The following MUC4 variants were observed in gnomAD, a reference collection of about 807,000 sequenced individuals.
MUC4 encodes the protein mucin 4, cell surface associated.
MUC4 carries 202 observed loss-of-function variants against 257.9 expected under a neutral mutation model. The ratio of observed to expected loss-of-function variants is 0.78; its 90% confidence interval spans 0.70 to 0.88. The LOEUF (loss-of-function observed/expected upper bound fraction) is 0.88. Among genes scored for constraint, MUC4 ranks in the 40% least tolerant of loss-of-function variants. The pLI is 0.00. For missense variants in MUC4, 5,976 were observed against 6,513.7 expected (o/e 0.92, Z 2.84); for synonymous variants, 2,351 against 2,757.1 (o/e 0.85, Z 4.62).
chr3:195,809,558 A>AT (rs1250027966), intron 1 of MUC4: 3 of 152,276 alleles, frequency 2.0e-5, no homozygotes, highest in African/African-American at 7.2e-5. Context: ...CCCCTTAGCG[A>AT]CGCAAAGGAC....
chr3:195,754,454 C>A (rs1717112967), intron 18 of MUC4, 82 bp from the exon 19 acceptor site: 2 of 1,497,932 alleles, frequency 1.3e-6, no homozygotes, highest in East Asian at 4.7e-5. Flanking sequence ...ACCCCTTTGG[C>A]CTGAGAACCC....
intron 1 of MUC4, among the ~76,000 whole-genome samples, chr3:195,800,310 G>A (rs142092299): frequency 1.3e-5 from 2 of 152,200 alleles, no homozygotes; most frequent in East Asian, 3.9e-4. Context: ...AAACAGGGCT[G>A]TGTCCTGGTA....
At chr3:195,770,158 G>A in intron 6 of MUC4, 58 bp downstream of exon 6, 1 of 1,449,322 alleles carries the variant, frequency 6.9e-7, no homozygotes, top group East Asian at 2.6e-5. Context: ...CCCTGCCTAG[G>A]ATTCTAGGAT....
chr3:195,783,211 G>T lies in MUC4; in HGVS notation c.8369C>A (p.Pro2790His). Residue 2790 changes from proline to histidine, a missense_variant, in exon 2 of 25, where the codon CCT (proline) becomes CAT (histidine). This residue lies in a region of MUC4 where 228 missense variants were observed against 206.3 expected (regional missense o/e 1.11). Coordinates refer to ENST00000463781, the MANE Select transcript of MUC4 (RefSeq NM_018406.7). ...GGTGTGACCTGTGGATGCTGAGGAA[G>T]GGCTGGTGACATGAAGAGGGGTGGC... ...GHATPLHVTS[P>H]SSASTGHTTP... The T allele has an allele frequency of 7.9e-7, 1 of 1,272,834 alleles. No individual in the cohort carries two copies. The highest frequency in any genetic ancestry group is 2.5e-5 in the East Asian group (1 of 40,522). 78.8% of individuals were successfully genotyped at this position (1,272,834 alleles called of 1,614,324 possible). A position where few individuals can be genotyped will look rare whatever the true frequency, so the allele number is the denominator to read the frequency against.
In MUC4 at chr3:195,780,736, G is replaced by T. The variant is rs767045127; in HGVS notation, c.10844C>A (p.Thr3615Asn). 2 of 1,501,394 alleles carry T rather than the reference G, an allele frequency of 1.3e-6. No individual in the cohort carries two copies. Among genetic ancestry groups the T allele is most frequent in the Admixed American group, 2.1e-5 (1 of 47,062 alleles). The allele number at this position is 1,501,394 out of a possible 1,614,324, so 93.0% of individuals were successfully genotyped here. The change falls in exon 2 of 25, where the codon ACC (threonine) becomes AAC (asparagine). Residue 3615 changes from threonine to asparagine, a missense_variant. By Grantham distance (65) the Thr-to-Asn change is moderately conservative. Coordinates refer to ENST00000463781, the MANE Select transcript of MUC4 (RefSeq NM_018406.7). ...DTSSASTGDTTRLPVTDTSSA... is the reference protein window; with the variant it reads ...DTSSASTGDTNRLPVTDTSSA... ...GGAAGTGTCCGTGACAGGAAGACGG[G>T]TGGTGTCACCTGTGGATGCTGAGGA... is the stretch of plus-strand genomic sequence containing the variant.
rs201559799 is a variant in MUC4 at position 195,779,914 on chromosome 3, A to G, written c.11666T>C (p.Leu3889Pro). The G allele has an allele frequency of 2.1e-6, 3 of 1,420,196 alleles. No individual in the cohort carries two copies. The highest frequency in any genetic ancestry group is 4.8e-5 in the Admixed American group (2 of 41,446). 88.0% of individuals were successfully genotyped at this position (1,420,196 alleles called of 1,614,324 possible). The change falls in exon 2 of 25, where the codon CTT becomes CCT. Residue 3889 changes from leucine (L) to proline (P), a missense_variant. Physicochemically the swap from Leu to Pro is moderately conservative, Grantham distance 98 (BLOSUM62 -3). This residue lies in a region of MUC4 where 330 missense variants were observed against 262.0 expected (regional missense o/e 1.26). Coordinates refer to ENST00000463781, the MANE Select transcript of MUC4 (RefSeq NM_018406.7). ...TGCTGAGGAAGTGTCGGTGACAGGAAGAGGGGTGGTGTCACCTGTGGAAGC... is the reference window on the plus strand; with the variant it reads ...TGCTGAGGAAGTGTCGGTGACAGGAGGAGGGGTGGTGTCACCTGTGGAAGC... ...SSASTGDTTP[L>P]PVTDTSSAST...
intron 5 of MUC4, among the ~76,000 whole-genome samples, chr3:195,771,184 G>C (rs1722793389): frequency 8.2e-6 from 1 of 122,594 alleles, no homozygotes; most frequent in Admixed American, 7.7e-5. Context: ...TGGTTGGGTT[G>C]GGGTATTCCT....
At chr3:195,811,646 CT>C in intron 1 of MUC4, 89 bp downstream of exon 1, 2 of 1,104,138 alleles carry the variant, frequency 1.8e-6, no homozygotes, top group Non-Finnish European at 2.7e-6. Flanking sequence ...CTCTCTCTCT[CT>C]CTGTCTCCCC....
chr3:195,774,139 G>A, intron 4 of MUC4, 33 bp downstream of exon 4: 1 of 1,575,542 alleles, frequency 6.3e-7, no homozygotes. Context: ...GGCCCTGGGA[G>A]TTCAGGCTGC....
rs1722046077 is a variant in MUC4 at position 195,768,234 on chromosome 3, T to G, written c.13529+788A>C. Among the ~76,000 whole-genome samples the G allele has an allele frequency of 2.0e-5, 3 of 152,142 alleles. No individual in the cohort carries two copies. The South Asian group carries it at 6.2e-4, about 32-fold the overall frequency. ...CAAGAAACTAGTGAAAGCAGTGTAATCAAAGGGGTAACCTGAACACACTCA... is the reference window on the plus strand; with the variant it reads ...CAAGAAACTAGTGAAAGCAGTGTAAGCAAAGGGGTAACCTGAACACACTCA... On this transcript the variant is annotated intron_variant, in intron 7 of 24. Coordinates refer to ENST00000463781, the MANE Select transcript of MUC4 (RefSeq NM_018406.7).
intron 1 of MUC4, among the ~76,000 whole-genome samples, chr3:195,802,471 T>G (rs1364254150): frequency 2.1e-5 from 3 of 140,834 alleles, no homozygotes; most frequent in Non-Finnish European, 4.9e-5. Flanking sequence ...GCTGTCTCCT[T>G]AGCTCGAATT....
At chr3:195,762,565 G>A (rs1346241358) in intron 13 of MUC4, among the ~76,000 whole-genome samples, 97 of 141,662 alleles carry the variant, frequency 6.8e-4, no homozygotes, top group Non-Finnish European at 8.4e-4. Context: ...GCCCTGCACC[G>A]CAACGCACCG....
rs2148812456 is a variant in MUC4, at chr3:195,763,442, GC to G, written c.14243del (p.Gly4748AlafsTer24). 1 of 1,420,354 alleles carries G rather than the reference GC, an allele frequency of 7.0e-7. No homozygotes were observed. The highest frequency in any genetic ancestry group is 1.5e-5 in the African/African-American group (1 of 68,450). 88.0% of individuals were successfully genotyped at this position (1,420,354 alleles called of 1,614,324 possible). On this transcript the variant is annotated frameshift_variant, in exon 12 of 25. Coordinates refer to ENST00000463781, the MANE Select transcript of MUC4 (RefSeq NM_018406.7). LOFTEE classifies it high-confidence loss of function. ...FAAQYRSSSL[G>X]PVTVQWLLEP... ...GGCACCCCTCACTCACCGTGACGGG[GC>G]CCAGGCTGCTGGAGCGGTACTGAGC...
At position 195,790,384 on chromosome 3, in the gene MUC4, G is replaced by C; in HGVS notation, c.1196C>G (p.Ser399Cys). Reference protein sequence around the residue: ...VTSKVFRMPTSRDSTLGNTEE... With the variant: ...VTSKVFRMPTCRDSTLGNTEE... ...TGTGTTTCCAAGAGTAGAGTCTCTG[G>C]AGGTTGGCATTCTGAACACCTTTGA... is the stretch of plus-strand genomic sequence containing the variant. The change falls in exon 2 of 25, where the codon TCC becomes TGC. Residue 399 changes from serine (S) to cysteine (C), a missense_variant. By Grantham distance (112) the Ser-to-Cys change is moderately radical (BLOSUM62 -1). This residue lies in a region of MUC4 where 1,583 missense variants were observed against 1,257.4 expected (regional missense o/e 1.26). Transcript: ENST00000463781. 1 of 1,613,842 alleles carries C rather than the reference G, an allele frequency of 6.2e-7. No individual in the cohort carries two copies. Among genetic ancestry groups the C allele is most frequent in the Non-Finnish European group, 8.5e-7 (1 of 1,179,764 alleles).
chr3:195,795,206 C>T (rs1302626199), intron 1 of MUC4, among the ~76,000 whole-genome samples: 5 of 152,258 alleles, frequency 3.3e-5, no homozygotes, highest in Non-Finnish European at 5.9e-5. Context: ...ATTTGTCTAT[C>T]ATCAGGCTTT....
chr3:195,753,034 G>A lies in MUC4; in HGVS notation c.15508+17C>T, dbSNP rs756552259. The A allele has an allele frequency of 4.0e-5, 64 of 1,606,068 alleles. No individual in the cohort carries two copies. Among genetic ancestry groups the A allele is most frequent in the Middle Eastern group, 2.2e-4 (1 of 4,624 alleles). On this transcript the variant is annotated intron_variant, in intron 20 of 24. Coordinates refer to ENST00000463781, the MANE Select transcript of MUC4 (RefSeq NM_018406.7). ...AGGAAGAGTGCGGGGGTGAGAGGGC[G>A]GGGTCTCTGGCGGTACCTAGGTTGA...
chr3:195,770,561 G>T, intron 5 of MUC4, 190 bp from the exon 6 acceptor site: 1 of 640,720 alleles, frequency 1.6e-6, no homozygotes, highest in South Asian at 1.9e-5. Flanking sequence ...CTGCAGGAAG[G>T]CCTGCAGTGT....
chr3:195,788,782 G>GCCACCCAC lies in MUC4; in HGVS notation c.2797_2798insGTGGGTGG (p.Ser933CysfsTer306). ...CGATGGAGGTGTGGGTGGGACTGTTGAGAAGGTGTCGGTTGCCTGGGACGC... is the reference window on the plus strand; with the variant it reads ...CGATGGAGGTGTGGGTGGGACTGTTGCCACCCACAGAAGGTGTCGGTTGCCTGGGACGC... On this transcript the variant is annotated frameshift_variant, in exon 2 of 25. Transcript: ENST00000463781. LOFTEE classifies it high-confidence loss of function. 1 of 1,613,970 alleles carries GCCACCCAC rather than the reference G, an allele frequency of 6.2e-7. No individual in the cohort carries two copies. Among genetic ancestry groups the GCCACCCAC allele is most frequent in the Non-Finnish European group, 8.5e-7 (1 of 1,179,864 alleles).
At chr3:195,756,325 TCACGCCCAGGGACC>T (rs920961609) in intron 18 of MUC4, among the ~76,000 whole-genome samples, 2 of 152,174 alleles carry the variant, frequency 1.3e-5, no homozygotes, top group African/African-American at 4.8e-5. Context: ...CTGTGTGGAC[TCACGCCCAGGGACC>T]CACAACCACC....
Sources: allele counts gnomAD v4.1 joint callset (sites outside exome capture counted in the v4.1 genomes callset), GRCh38; gene constraint gnomAD v4.1.1; regional missense constraint gnomAD v4.1.1; transcripts MANE v1.5; gene names NCBI Gene and HGNC (gene_info 2026-07-23, HGNC 2026-07-21).